TM4SF4: variants seen among roughly 807,000 people sequenced by gnomAD.
TM4SF4 encodes the protein transmembrane 4 L six family member 4.
Under a neutral mutation model 24.1 loss-of-function variants are expected in TM4SF4, and 24 were observed. That is an observed-to-expected ratio of 1.00 (90% confidence interval 0.72 to 1.40). The LOEUF is 1.40. Among genes scored for constraint, TM4SF4 ranks in the 40% most tolerant of loss-of-function variants. TM4SF4 has a pLI of 0.00. For missense variants in TM4SF4, 254 were observed against 254.2 expected, an observed-to-expected ratio of 1.00 and a Z score of 0.01; for synonymous variants, 113 against 97.0, an observed-to-expected ratio of 1.17 and a Z score of -0.97.
chr3:149,496,844 G>A (rs1167093694), intron 3 of TM4SF4, among the ~76,000 whole-genome samples: 1 of 150,902 alleles, frequency 6.6e-6, no homozygotes, highest in Non-Finnish European at 1.5e-5. Flanking sequence ...CAATTGTGAT[G>A]TGGTTCTTAG....
At chr3:149,493,110 C>G (rs1380913142) in intron 3 of TM4SF4, among the ~76,000 whole-genome samples, 2 of 152,090 alleles carry the variant, frequency 1.3e-5, no homozygotes, top group African/African-American at 4.8e-5. Flanking sequence ...CACATACTTG[C>G]TTGATTCAGC....
In TM4SF4 at chr3:149,495,528, C is replaced by T. The variant is rs570800376; in HGVS notation, c.402-3194C>T. 1.8e-3 allele frequency: 717 copies of T among 397,346 alleles called. 1 individual carries two copies. The highest frequency in any genetic ancestry group is 2.1e-3 in the Non-Finnish European group (420 of 200,840). 24.6% of individuals were successfully genotyped at this position (397,346 alleles called of 1,614,324 possible). A position where few individuals can be genotyped will look rare whatever the true frequency, so the allele number is the denominator to read the frequency against. The stretch of plus-strand genomic sequence containing the variant: ...GTTGAAATGCACCATGTTGCAAGCT[C>T]TTCCTGGGGAAAATGTGGGCTTCAG... On this transcript the variant is annotated intron_variant, in intron 3 of 4. Coordinates refer to ENST00000305354, the MANE Select transcript of TM4SF4 (RefSeq NM_004617.4).
intron 2 of TM4SF4, among the ~76,000 whole-genome samples, chr3:149,476,947 T>A (rs1204279989): frequency 6.6e-6 from 1 of 151,472 alleles, no homozygotes; most frequent in Non-Finnish European, 1.5e-5. Flanking sequence ...AGTACAAGTG[T>A]GCCACCCCAC....
rs757549866 is a variant in TM4SF4 at position 149,498,681 on chromosome 3, CT to C, written c.402-36del. On this transcript the variant is annotated intron_variant, in intron 3 of 4. Transcript: ENST00000305354. ...ACTTTCTAGTGGAGGGAATTGCACA[CT>C]TTTTACAAATGTTTCCTTTGTCCCC... The C allele has an allele frequency of 2.5e-6, 4 of 1,592,804 alleles. No homozygotes were observed. The African/African-American group carries it at 5.4e-5, about 21-fold the overall frequency.
chr3:149,480,315 T>C (rs888769652), intron 2 of TM4SF4, among the ~76,000 whole-genome samples: 3 of 152,222 alleles, frequency 2.0e-5, no homozygotes, highest in African/African-American at 7.2e-5. Flanking sequence ...AACTCGTTTA[T>C]GTTAAGTACG....
At chr3:149,475,444 G>A (rs1013916050) in intron 1 of TM4SF4, among the ~76,000 whole-genome samples, 1 of 152,136 alleles carries the variant, frequency 6.6e-6, no homozygotes, top group African/African-American at 2.4e-5. Context: ...CAGTGTGGTC[G>A]TCTTCCACTT....
Position 149,502,921 on chromosome 3 carries a change from A to C in TM4SF4, c.*228A>C, listed in dbSNP as rs1247683650. 2 of 466,742 alleles carry C rather than the reference A, an allele frequency of 4.3e-6. No homozygotes were observed. The highest frequency in any genetic ancestry group is 7.6e-6 in the Non-Finnish European group (2 of 264,144). 28.9% of individuals were successfully genotyped at this position (466,742 alleles called of 1,614,324 possible). On this transcript the variant is annotated 3_prime_UTR_variant, in exon 5 of 5. Transcript: ENST00000305354. ...ACAAATTTGATTTATAAATCTTTCA[A>C]ATTAGTTCCTTTTTAGAATTTACCA...
In TM4SF4 at chr3:149,502,802, A is replaced by T. The variant is rs1318311235; in HGVS notation, c.*109A>T. On this transcript the variant is annotated 3_prime_UTR_variant, in exon 5 of 5. Coordinates refer to ENST00000305354, the MANE Select transcript of TM4SF4 (RefSeq NM_004617.4). ...AATTCCTATCTGCTTCCTAGCTGAT[A>T]AAGCTTAGAAAAGGCAGTTATTCCT... The T allele has an allele frequency of 2.2e-5, 17 of 767,058 alleles. No homozygotes were observed. Among genetic ancestry groups the T allele is most frequent in the Non-Finnish European group, 3.5e-5 (16 of 453,410 alleles). 47.5% of individuals were successfully genotyped at this position (767,058 alleles called of 1,614,324 possible). A position where few individuals can be genotyped will look rare whatever the true frequency, so the allele number is the denominator to read the frequency against.
chr3:149,483,921 C>T (rs1170032710), intron 2 of TM4SF4, among the ~76,000 whole-genome samples: 1 of 151,944 alleles, frequency 6.6e-6, no homozygotes, highest in Non-Finnish European at 1.5e-5. Flanking sequence ...GCTGGGACTA[C>T]AGGTGCACAC....
At position 149,502,715 on chromosome 3, in the gene TM4SF4, G is replaced by A. The variant is rs1479943851; in HGVS notation, c.*22G>A. 3 of 1,572,904 alleles carry A rather than the reference G, an allele frequency of 1.9e-6. No individual in the cohort carries two copies. The highest frequency in any genetic ancestry group is 2.6e-6 in the Non-Finnish European group (3 of 1,144,390). ...TTAAACCTCCGAGATGAGCTGCTCA[G>A]ACTCTACAGCATGACGACTACAATT... On this transcript the variant is annotated 3_prime_UTR_variant, in exon 5 of 5. Coordinates refer to ENST00000305354, the MANE Select transcript of TM4SF4 (RefSeq NM_004617.4).
intron 2 of TM4SF4, among the ~76,000 whole-genome samples, chr3:149,477,467 G>A (rs1338242912): frequency 2.6e-5 from 4 of 152,168 alleles, no homozygotes; most frequent in Admixed American, 6.5e-5. Flanking sequence ...AAAGGGAAAG[G>A]TGCATCTATC....
At chr3:149,483,262 T>C (rs970146645) in intron 2 of TM4SF4, among the ~76,000 whole-genome samples, 12 of 152,164 alleles carry the variant, frequency 7.9e-5, no homozygotes, top group African/African-American at 2.9e-4. Flanking sequence ...GAAATTTGGT[T>C]GGAGCATGGA....
Position 149,497,655 on chromosome 3 carries a change from A to AT in TM4SF4, c.402-1061dup, listed in dbSNP as rs1345299164. Among the ~76,000 whole-genome samples, 28 of 151,554 alleles carry AT rather than the reference A, an allele frequency of 1.8e-4. No homozygotes were observed. In the East Asian group the frequency reaches 5.1e-3, roughly 27 times the overall value. On this transcript the variant is annotated intron_variant, in intron 3 of 4. Coordinates refer to ENST00000305354, the MANE Select transcript of TM4SF4 (RefSeq NM_004617.4). ...TCAAGGCACAATGCCCTTTATTTTT[A>AT]TTTTTTGAGATGGAGTTTCGTTCTT...
intron 4 of TM4SF4, among the ~76,000 whole-genome samples, chr3:149,500,908 C>T (rs1367781039): frequency 6.6e-6 from 1 of 151,688 alleles, no homozygotes; most frequent in Non-Finnish European, 1.5e-5. Flanking sequence ...ACCTGTAGTC[C>T]CAGCTACTCA....
intron 3 of TM4SF4, chr3:149,495,457 A>G (rs145716591): frequency 5.5e-5 from 23 of 420,100 alleles, no homozygotes; most frequent in African/African-American, 4.7e-4. Context: ...TCTCAAACCC[A>G]GCATGGTGGT....
At chr3:149,501,021 CAAAAA>C (rs56017202) in intron 4 of TM4SF4, among the ~76,000 whole-genome samples, 2 of 105,800 alleles carry the variant, frequency 1.9e-5, no homozygotes, top group East Asian at 2.9e-4. Context: ...AAGACCTTTC[CAAAAA>C]AAAAAAAAAA....
chr3:149,489,717 A>T (rs1043061238), intron 3 of TM4SF4, among the ~76,000 whole-genome samples: 4 of 152,344 alleles, frequency 2.6e-5, no homozygotes, highest in Admixed American at 2.6e-4. Context: ...CATTGCAGCC[A>T]TTTATTGTGT....
chr3:149,491,929 C>G (rs987182924), intron 3 of TM4SF4, among the ~76,000 whole-genome samples: 3 of 152,006 alleles, frequency 2.0e-5, no homozygotes, highest in Non-Finnish European at 4.4e-5. Flanking sequence ...CAGAAGGGGC[C>G]GCCACACGAT....
intron 2 of TM4SF4, among the ~76,000 whole-genome samples, chr3:149,478,287 A>G (rs2107866203): frequency 6.6e-6 from 1 of 152,280 alleles, no homozygotes; most frequent in African/African-American, 2.4e-5. Flanking sequence ...CTGGGATTAC[A>G]GCCATGTGCC....
Sources: allele counts gnomAD v4.1 joint callset (sites outside exome capture counted in the v4.1 genomes callset), GRCh38; gene constraint gnomAD v4.1.1; transcripts MANE v1.5; gene names NCBI Gene and HGNC (gene_info 2026-07-23, HGNC 2026-07-21).